Variants in IPO11 observed in about 807,000 individuals in gnomAD.
IPO11 encodes importin-11.
In IPO11, 66 loss-of-function variants were observed where a neutral mutation model predicts 143.2. That is an observed-to-expected ratio of 0.46 (90% CI 0.38 to 0.57). The LOEUF (loss-of-function observed/expected upper bound fraction) is 0.57, where lower values mean the gene tolerates loss of function less well. Among genes scored for constraint, IPO11 ranks in the 20% least tolerant of loss-of-function variants. The pLI is 0.00. For synonymous variants in IPO11, 385 were observed against 377.8 expected, an observed-to-expected ratio of 1.02 and a Z score of -0.22; for missense variants, 1,026 against 1,141.0, an observed-to-expected ratio of 0.90 and a Z score of 1.45.
intron 29 of IPO11, among the ~76,000 whole-genome samples, chr5:62,624,298 T>C (rs1257823621): frequency 6.6e-6 from 1 of 152,158 alleles, no homozygotes; most frequent in Non-Finnish European, 1.5e-5. Flanking sequence ...CCTCCCAAAG[T>C]GCTGGGATTA....
intron 24 of IPO11, among the ~76,000 whole-genome samples, chr5:62,548,638 TTTTC>T (rs1470635251): frequency 3.3e-5 from 5 of 152,160 alleles, no homozygotes; most frequent in Non-Finnish European, 4.4e-5. Flanking sequence ...ACCAGTCTTA[TTTTC>T]TTTCTTCTTA....
chr5:62,415,727 C>A (rs922047618), intron 1 of IPO11, among the ~76,000 whole-genome samples: 1 of 152,028 alleles, frequency 6.6e-6, no homozygotes, highest in East Asian at 1.9e-4. Flanking sequence ...CTCAGCCTCC[C>A]AAAGTGCTGG....
chr5:62,538,871 A>G (rs1046390932), intron 24 of IPO11, among the ~76,000 whole-genome samples: 1 of 152,222 alleles, frequency 6.6e-6, no homozygotes, highest in Non-Finnish European at 1.5e-5. Flanking sequence ...TGCTAGCATG[A>G]ATCAGGCGAA....
At chr5:62,574,784 A>T (rs1744255885) in intron 27 of IPO11, among the ~76,000 whole-genome samples, 1 of 152,212 alleles carries the variant, frequency 6.6e-6, no homozygotes, top group South Asian at 2.1e-4. Flanking sequence ...AGGAACAGAG[A>T]TCAAGAAGTT....
intron 7 of IPO11, among the ~76,000 whole-genome samples, chr5:62,473,976 G>A (rs888851937): frequency 6.6e-6 from 1 of 152,094 alleles, no homozygotes; most frequent in African/African-American, 2.4e-5. Context: ...GCCAAACGAT[G>A]TTTCAGGATT....
rs1343956525 is a variant in IPO11, at chr5:62,504,945, CT to C, written c.1665+49del. 2.7e-6 allele frequency: 3 copies of C among 1,125,090 alleles called. No individual in the cohort carries two copies. The East Asian group carries it at 7.4e-5, about 28-fold the overall frequency. 69.7% of individuals were successfully genotyped at this position (1,125,090 alleles called of 1,614,324 possible). A position where few individuals can be genotyped will look rare whatever the true frequency, so the allele number is the denominator to read the frequency against. ...TATTTTTTTTAAAAAACAATTTCTG[CT>C]TATGTCTTTGAATACTATTTTATAC... On this transcript the variant is annotated intron_variant, in intron 18 of 29. Transcript: ENST00000325324.
At chr5:62,500,245 G>A (rs1206504590) in intron 16 of IPO11, among the ~76,000 whole-genome samples, 1 of 152,146 alleles carries the variant, frequency 6.6e-6, no homozygotes, top group Admixed American at 6.5e-5. Context: ...TCATGCCACT[G>A]CAGTTCCAGC....
intron 5 of IPO11, among the ~76,000 whole-genome samples, chr5:62,453,905 C>T (rs1745028791): frequency 6.6e-6 from 1 of 151,844 alleles, no homozygotes; most frequent in South Asian, 2.1e-4. Flanking sequence ...GAGGCTGAGG[C>T]GAGTGGATCA....
chr5:62,625,577 T>C (rs558690660), intron 29 of IPO11, among the ~76,000 whole-genome samples: 1 of 152,360 alleles, frequency 6.6e-6, no homozygotes, highest in Admixed American at 6.5e-5. Flanking sequence ...GAAATACTTC[T>C]TAAATGATCA....
At chr5:62,521,311 C>A (rs1172915436) in intron 20 of IPO11, among the ~76,000 whole-genome samples, 1 of 152,138 alleles carries the variant, frequency 6.6e-6, no homozygotes, top group Non-Finnish European at 1.5e-5. Flanking sequence ...GCGAAAATGT[C>A]TTCATTCTAG....
intron 16 of IPO11, among the ~76,000 whole-genome samples, chr5:62,497,090 G>A (rs1342251999): frequency 6.6e-6 from 1 of 152,206 alleles, no homozygotes; most frequent in Non-Finnish European, 1.5e-5. Flanking sequence ...AAGGGCTGCT[G>A]TTAAGGAATC....
intron 2 of IPO11, among the ~76,000 whole-genome samples, chr5:62,438,761 A>G (rs1189166083): frequency 1.4e-5 from 2 of 146,162 alleles, no homozygotes; most frequent in Non-Finnish European, 3.0e-5. Context: ...TCAAAAAAAA[A>G]AGGGGGGGAG....
intron 20 of IPO11, among the ~76,000 whole-genome samples, chr5:62,517,424 C>T (rs143893837): frequency 0.02 from 2,989 of 152,136 alleles, 94 homozygotes; most frequent in African/African-American, 0.066. Context: ...TTTTTTGAGA[C>T]GGAGTTTCGC....
intron 29 of IPO11, among the ~76,000 whole-genome samples, chr5:62,621,005 T>C (rs905709916): frequency 6.6e-5 from 10 of 152,216 alleles, no homozygotes; most frequent in Non-Finnish European, 1.0e-4. Flanking sequence ...TGAAAAAGAA[T>C]GAGTACGAGT....
At chr5:62,437,789 A>G (rs1390719203) in intron 2 of IPO11, among the ~76,000 whole-genome samples, 2 of 152,202 alleles carry the variant, frequency 1.3e-5, no homozygotes, top group South Asian at 2.1e-4. Context: ...TGCAGCATCA[A>G]TGTCAGGTGT....
At chr5:62,429,602 G>GTGTGTA (rs1743902070) in intron 1 of IPO11, among the ~76,000 whole-genome samples, 1 of 148,806 alleles carries the variant, frequency 6.7e-6, no homozygotes, top group African/African-American at 2.5e-5. Context: ...GTGTGTGTGT[G>GTGTGTA]TGTGTGTGTG....
At chr5:62,612,486 G>T (rs1445335459) in intron 29 of IPO11, among the ~76,000 whole-genome samples, 1 of 152,166 alleles carries the variant, frequency 6.6e-6, no homozygotes, top group Non-Finnish European at 1.5e-5. Flanking sequence ...AACACATAAT[G>T]CAACAGATTG....
At chr5:62,464,972 G>T (rs1457774134) in intron 5 of IPO11, among the ~76,000 whole-genome samples, 2 of 152,140 alleles carry the variant, frequency 1.3e-5, no homozygotes, top group African/African-American at 4.8e-5. Flanking sequence ...AAGTATAATA[G>T]TTTTTTGGTC....
At chr5:62,514,540 C>T (rs1447851790) in intron 19 of IPO11, among the ~76,000 whole-genome samples, 3 of 147,796 alleles carry the variant, frequency 2.0e-5, no homozygotes, top group African/African-American at 7.7e-5. Flanking sequence ...GAGATGGCAG[C>T]AGTACAGTCC....
Sources: allele counts gnomAD v4.1 joint callset (sites outside exome capture counted in the v4.1 genomes callset), GRCh38; gene constraint gnomAD v4.1.1; transcripts MANE v1.5; gene names NCBI Gene and HGNC (gene_info 2026-07-23, HGNC 2026-07-21).